Variants in DPF3 observed in about 807,000 individuals in gnomAD.
The protein encoded by DPF3 is zinc finger protein DPF3.
Under a neutral mutation model 56.8 loss-of-function variants are expected in DPF3, and 18 were observed. That is an observed-to-expected ratio of 0.32 (90% CI 0.22 to 0.47). The LOEUF is 0.47. DPF3 is among the 20% of genes least tolerant of loss of function. DPF3 has a pLI of 1.00. For missense variants in DPF3, 403 were observed against 488.8 expected (o/e 0.82, Z 1.65); for synonymous variants, 188 against 180.2 (o/e 1.04, Z -0.35).
chr14:72,875,445 T>C (rs1235055606), intron 1 of DPF3, among the ~76,000 whole-genome samples: 1 of 152,164 alleles, frequency 6.6e-6, no homozygotes, highest in Non-Finnish European at 1.5e-5. Flanking sequence ...CTAAGCACTT[T>C]ACATACATTA....
chr14:72,623,391 A>T (rs1436747346), intron 9 of DPF3, among the ~76,000 whole-genome samples: 1 of 152,250 alleles, frequency 6.6e-6, no homozygotes, highest in East Asian at 1.9e-4. Context: ...ACACAGAGAG[A>T]AACTATTCCA....
At chr14:72,768,170 T>A (rs1001267493) in intron 2 of DPF3, among the ~76,000 whole-genome samples, 4 of 152,140 alleles carry the variant, frequency 2.6e-5, no homozygotes, top group Non-Finnish European at 4.4e-5. Flanking sequence ...CATCAGAAAG[T>A]AAATGCTAAA....
At chr14:72,771,680 CCTCCAGGCTGG>C (rs941511720) in intron 2 of DPF3, 42 bp downstream of exon 2, 1 of 1,554,286 alleles carries the variant, frequency 6.4e-7, no homozygotes, top group African/African-American at 1.4e-5. Flanking sequence ...GGTCCTCCTC[CCTCCAGGCTGG>C]GAGCCTGCAC....
Position 72,617,438 on chromosome 14 carries a change from C to T in DPF3, c.*1859G>A, listed in dbSNP as rs1330887303. Among the ~76,000 whole-genome samples the T allele has an allele frequency of 6.6e-6, 1 of 152,150 alleles. No individual in the cohort carries two copies. The highest frequency in any genetic ancestry group is 1.5e-5 in the Non-Finnish European group (1 of 68,024). On this transcript the variant is annotated 3_prime_UTR_variant, in exon 11 of 11. Coordinates refer to ENST00000556509, the MANE Select transcript of DPF3 (RefSeq NM_001280542.3). ...TGGAATGTCACCCTCCCTATCCCTC[C>T]CTGGGCCTTCAGGATTCAGACAAGC... is the stretch of plus-strand genomic sequence containing the variant.
rs749523684 is a variant in DPF3 at position 72,723,748 on chromosome 14, T to C, written c.430-20A>G. ...AACCCTCTGAAATGAAAAAAAAAAA[T>C]AGAAAAGGTGAGAAACGAAATGCAA... is the stretch of plus-strand genomic sequence containing the variant. On this transcript the variant is annotated intron_variant, in intron 4 of 10. Transcript: ENST00000556509. 3 of 1,452,094 alleles carry C rather than the reference T, an allele frequency of 2.1e-6. No individual in the cohort carries two copies. Among genetic ancestry groups the C allele is most frequent in the Non-Finnish European group, 2.8e-6 (3 of 1,065,492 alleles). 90.0% of individuals were successfully genotyped at this position (1,452,094 alleles called of 1,614,324 possible). A position where few individuals can be genotyped will look rare whatever the true frequency, so the allele number is the denominator to read the frequency against.
At chr14:72,865,297 A>G (rs1258760641) in intron 1 of DPF3, among the ~76,000 whole-genome samples, 2 of 152,238 alleles carry the variant, frequency 1.3e-5, no homozygotes, top group Non-Finnish European at 2.9e-5. Flanking sequence ...CAGACAAAGG[A>G]AAAGTGAGCA....
intron 7 of DPF3, among the ~76,000 whole-genome samples, chr14:72,692,427 G>C (rs564852136): frequency 2.0e-5 from 3 of 152,198 alleles, no homozygotes; most frequent in Non-Finnish European, 4.4e-5. Context: ...TTCATAATTG[G>C]AAGTTGAGGT....
At chr14:72,718,965 T>C (rs1384635470) in intron 5 of DPF3, among the ~76,000 whole-genome samples, 1 of 151,412 alleles carries the variant, frequency 6.6e-6, no homozygotes, top group Non-Finnish European at 1.5e-5. Flanking sequence ...AGAGACGGGG[T>C]TTCACACTGT....
intron 1 of DPF3, among the ~76,000 whole-genome samples, chr14:72,834,494 CAAAAA>C (rs375709642): frequency 2.0e-4 from 18 of 91,420 alleles, no homozygotes; most frequent in African/African-American, 6.4e-4. Flanking sequence ...GAGACTGTCT[CAAAAA>C]AAAAAAAAAA....
At chr14:72,791,464 GC>G (rs763087113) in intron 1 of DPF3, among the ~76,000 whole-genome samples, 16 of 152,316 alleles carry the variant, frequency 1.1e-4, no homozygotes, top group Non-Finnish European at 2.1e-4. Context: ...GGAGAGCAGT[GC>G]CCTGGGGAGC....
chr14:72,866,841 A>G (rs953860887), intron 1 of DPF3, among the ~76,000 whole-genome samples: 2 of 150,074 alleles, frequency 1.3e-5, no homozygotes, highest in Non-Finnish European at 3.0e-5. Context: ...GGGCAACAAG[A>G]GCGAAACTCC....
At chr14:72,787,406 G>A (rs138247180) in intron 1 of DPF3, among the ~76,000 whole-genome samples, 65 of 152,288 alleles carry the variant, frequency 4.3e-4, no homozygotes, top group African/African-American at 1.5e-3. Flanking sequence ...GGTCTCCCAC[G>A]TCAAATGGAG....
intron 2 of DPF3, among the ~76,000 whole-genome samples, chr14:72,769,547 G>C (rs546438676): frequency 1.3e-5 from 2 of 152,062 alleles, no homozygotes. Flanking sequence ...GGGTGTGGTG[G>C]CATGTGCCTG....
chr14:72,879,140 T>G (rs1886227563), intron 1 of DPF3, among the ~76,000 whole-genome samples: 1 of 152,066 alleles, frequency 6.6e-6, no homozygotes, highest in Non-Finnish European at 1.5e-5. Flanking sequence ...TCCCAGCACT[T>G]TGGGAGGCCG....
intron 1 of DPF3, among the ~76,000 whole-genome samples, chr14:72,813,821 C>G (rs1029805387): frequency 2.0e-5 from 3 of 152,166 alleles, no homozygotes; most frequent in Non-Finnish European, 2.9e-5. Flanking sequence ...GGGGCTCGAG[C>G]ACAGAGATGA....
chr14:72,862,794 A>G (rs764469182), intron 1 of DPF3, among the ~76,000 whole-genome samples: 6 of 152,090 alleles, frequency 3.9e-5, no homozygotes, highest in Non-Finnish European at 5.9e-5. Context: ...TCCCCATTTT[A>G]GTTACCTCCA....
intron 4 of DPF3, among the ~76,000 whole-genome samples, chr14:72,727,968 T>C (rs543932956): frequency 1.3e-5 from 2 of 152,244 alleles, no homozygotes; most frequent in African/African-American, 4.8e-5. Context: ...TCAGCAGACC[T>C]TCAGTTTACA....
At chr14:72,681,839 A>G (rs1396893061) in intron 7 of DPF3, among the ~76,000 whole-genome samples, 1 of 152,230 alleles carries the variant, frequency 6.6e-6, no homozygotes, top group Non-Finnish European at 1.5e-5. Context: ...CCCCCAAGGA[A>G]TGTCCTTTGT....
At chr14:72,780,530 G>A (rs1016294046) in intron 1 of DPF3, among the ~76,000 whole-genome samples, 24 of 152,352 alleles carry the variant, frequency 1.6e-4, no homozygotes, top group African/African-American at 5.5e-4. Flanking sequence ...CTTCACAGTT[G>A]AGAGGTGCTT....
Sources: allele counts gnomAD v4.1 joint callset (sites outside exome capture counted in the v4.1 genomes callset), GRCh38; gene constraint gnomAD v4.1.1; transcripts MANE v1.5; gene names NCBI Gene and HGNC (gene_info 2026-07-23, HGNC 2026-07-21).